Variants in PRMT7 observed in about 807,000 individuals in gnomAD.
PRMT7 encodes the protein protein arginine N-methyltransferase 7.
A neutral mutation model predicts 85.4 loss-of-function variants in PRMT7; 75 were observed. That is an observed-to-expected ratio of 0.88 (90% CI 0.73 to 1.06). The LOEUF is 1.06. PRMT7 is among the 50% of genes least tolerant of loss of function. The probability of loss-of-function intolerance (pLI) is 0.00; values close to 1 mark genes in which losing one functional copy is unlikely to be tolerated. For synonymous variants in PRMT7, 397 were observed against 359.5 expected (o/e 1.10, Z -1.18); for missense variants, 868 against 915.2 (o/e 0.95, Z 0.67).
At chr16:68,330,125 C>T (rs544150571) in intron 6 of PRMT7, among the ~76,000 whole-genome samples, 2 of 152,092 alleles carry the variant, frequency 1.3e-5, no homozygotes, top group East Asian at 3.9e-4. Flanking sequence ...AACCCCTGAC[C>T]TCAGGTGATC....
intron 9 of PRMT7, among the ~76,000 whole-genome samples, chr16:68,342,018 C>A (rs1026247685): frequency 2.6e-5 from 4 of 152,186 alleles, no homozygotes; most frequent in African/African-American, 9.6e-5. Context: ...TGGCTCACGC[C>A]TGTAATCCCA....
At chr16:68,321,329 C>T (rs563030351) in intron 3 of PRMT7, 97 bp from the exon 4 acceptor site, 37 of 916,190 alleles carry the variant, frequency 4.0e-5, no homozygotes, top group African/African-American at 3.3e-4. Context: ...ATAGATGACA[C>T]GTTTGTTCTA....
Position 68,357,371 on chromosome 16 carries a change from G to T in PRMT7, c.*147G>T. The T allele has an allele frequency of 1.2e-6, 1 of 849,670 alleles. No homozygotes were observed. Among genetic ancestry groups the T allele is most frequent in the South Asian group, 1.8e-5 (1 of 54,858 alleles). 52.6% of individuals were successfully genotyped at this position (849,670 alleles called of 1,614,324 possible). A position where few individuals can be genotyped will look rare whatever the true frequency, so the allele number is the denominator to read the frequency against. ...AGACTGCGCCGTGTTGCATCTTGTTGCATCTTTGCACTGCTGGCCTCTGGC... is the reference window on the plus strand; with the variant it reads ...AGACTGCGCCGTGTTGCATCTTGTTTCATCTTTGCACTGCTGGCCTCTGGC... On this transcript the variant is annotated 3_prime_UTR_variant, in exon 19 of 19. Coordinates refer to ENST00000441236, the MANE Select transcript of PRMT7 (RefSeq NM_019023.5).
At chr16:68,352,226 C>G in intron 14 of PRMT7, 22 bp from the exon 15 acceptor site, 1 of 1,610,298 alleles carries the variant, frequency 6.2e-7, no homozygotes, top group Non-Finnish European at 8.5e-7. Flanking sequence ...CACCTGGGCC[C>G]TGCTTCTCGC....
At position 68,313,115 on chromosome 16, in the gene PRMT7, G is replaced by A. The variant is rs536832697; in HGVS notation, c.-84+939G>A. Among the ~76,000 whole-genome samples, 21 of 152,310 alleles carry A rather than the reference G, an allele frequency of 1.4e-4. No homozygotes were observed. The South Asian group carries it at 2.9e-3, about 21-fold the overall frequency. ...GCTGGGATTATAGGCGTGAGTCACC[G>A]TGCCTGGGCTGTTCCAGGTTTTGAA... On this transcript the variant is annotated intron_variant, in intron 2 of 18. Transcript: ENST00000441236.
Position 68,314,548 on chromosome 16 carries a change from G to C in PRMT7, c.-83-1349G>C, listed in dbSNP as rs552314855. Among the ~76,000 whole-genome samples, 18 of 152,210 alleles carry C rather than the reference G, an allele frequency of 1.2e-4. 1 individual carries two copies. The highest frequency in any genetic ancestry group is 4.3e-4 in the African/African-American group (18 of 41,524). Reference sequence around the variant, plus strand: ...TGCCCAGCCTGTTTCTCATCTATTTGTGTAAGAATTCCATGTTTACTTACT... The same window carrying C: ...TGCCCAGCCTGTTTCTCATCTATTTCTGTAAGAATTCCATGTTTACTTACT... On this transcript the variant is annotated intron_variant, in intron 2 of 18. Transcript: ENST00000441236.
At chr16:68,317,609 C>T (rs2082013286) in intron 3 of PRMT7, among the ~76,000 whole-genome samples, 1 of 152,152 alleles carries the variant, frequency 6.6e-6, no homozygotes, top group African/African-American at 2.4e-5. Context: ...GGGCGGATCA[C>T]CTGAGGTCGG....
chr16:68,351,352 C>T (rs552245805), intron 14 of PRMT7: 1 of 136,964 alleles, frequency 7.3e-6, no homozygotes, highest in South Asian at 2.7e-4. Context: ...ACCCTGTAGT[C>T]TCCGTTTCTT....
At chr16:68,351,002 G>T (rs1251298568) in intron 14 of PRMT7, among the ~76,000 whole-genome samples, 1 of 152,236 alleles carries the variant, frequency 6.6e-6, no homozygotes, top group Non-Finnish European at 1.5e-5. Flanking sequence ...CTTTTGGGCT[G>T]TTGTGAGTAA....
At chr16:68,313,616 C>G (rs1271853069) in intron 2 of PRMT7, among the ~76,000 whole-genome samples, 1 of 152,222 alleles carries the variant, frequency 6.6e-6, no homozygotes, top group East Asian at 1.9e-4. Context: ...ATTTCTTTCT[C>G]TACTCCAACA....
chr16:68,334,513 C>G (rs925815231), intron 6 of PRMT7, among the ~76,000 whole-genome samples: 1 of 152,178 alleles, frequency 6.6e-6, no homozygotes, highest in Non-Finnish European at 1.5e-5. Context: ...TGTATACTTT[C>G]CAAGGTTCTG....
At chr16:68,360,242 AAAG>A (rs1371588968), downstream of PRMT7, 3 of 152,602 alleles carry the variant, frequency 2.0e-5, no homozygotes, top group Admixed American at 2.0e-4. Flanking sequence ...GGATTGGCAG[AAAG>A]AAGAGGATGT....
chr16:68,324,637 C>T (rs756094585), intron 4 of PRMT7, 46 bp from the exon 5 acceptor site: 3 of 1,606,570 alleles, frequency 1.9e-6, no homozygotes, highest in Non-Finnish European at 1.7e-6. Flanking sequence ...CACCTTTCCA[C>T]TTACTTATAA....
At chr16:68,352,184 C>T in intron 14 of PRMT7, 64 bp from the exon 15 acceptor site, 1 of 1,526,766 alleles carries the variant, frequency 6.5e-7, no homozygotes, top group Non-Finnish European at 8.9e-7. Flanking sequence ...CTTCCGTGTT[C>T]CTGTTAACAC....
intron 6 of PRMT7, among the ~76,000 whole-genome samples, chr16:68,333,344 G>A (rs898378789): frequency 2.0e-4 from 31 of 152,106 alleles, no homozygotes; most frequent in African/African-American, 6.3e-4. Flanking sequence ...AGTCAGGTGT[G>A]GTGGTGCATG....
chr16:68,355,667 C>T, intron 16 of PRMT7, 56 bp from the exon 17 acceptor site: 16 of 1,440,410 alleles, frequency 1.1e-5, no homozygotes, highest in Non-Finnish European at 1.5e-5. Flanking sequence ...GGGAGCGGTA[C>T]CTCTGTCTAG....
chr16:68,329,219 G>A, intron 6 of PRMT7, 45 bp downstream of exon 6: 2 of 1,418,478 alleles, frequency 1.4e-6, no homozygotes, highest in South Asian at 1.2e-5. Flanking sequence ...TTGCTCTTGT[G>A]TGAGAGAGGA....
At chr16:68,329,289 CTG>C (rs2083520300) in intron 6 of PRMT7, 115 bp downstream of exon 6, 1 of 685,842 alleles carries the variant, frequency 1.5e-6, no homozygotes, top group African/African-American at 1.8e-5. Flanking sequence ...TGGGACCTCT[CTG>C]TGTGGAGCTC....
chr16:68,360,803 G>A (rs966948065), downstream of PRMT7: 11 of 181,202 alleles, frequency 6.1e-5, no homozygotes, highest in South Asian at 3.6e-4. Context: ...TGCGGGCAGC[G>A]TGCATGCGAG....
Sources: allele counts gnomAD v4.1 joint callset (sites outside exome capture counted in the v4.1 genomes callset), GRCh38; gene constraint gnomAD v4.1.1; transcripts MANE v1.5; gene names NCBI Gene and HGNC (gene_info 2026-07-23, HGNC 2026-07-21).